Variants in FBXL13 observed in about 807,000 individuals in gnomAD.
FBXL13 encodes F-box and leucine rich repeat protein 13, also known as F-box and leucine-rich repeat protein 13.
Under a neutral mutation model 83.6 loss-of-function variants are expected in FBXL13, and 67 were observed. That is an observed-to-expected ratio of 0.80 (90% CI 0.66 to 0.98). The LOEUF is 0.98. FBXL13 is among the 50% of genes least tolerant of loss of function. The probability of loss-of-function intolerance (pLI) is 0.00; values close to 1 mark genes in which losing one functional copy is unlikely to be tolerated. For missense variants in FBXL13, 822 were observed against 866.5 expected, an observed-to-expected ratio of 0.95 and a Z score of 0.64; for synonymous variants, 272 against 299.5, an observed-to-expected ratio of 0.91 and a Z score of 0.95.
intron 17 of FBXL13, among the ~76,000 whole-genome samples, chr7:102,842,408 T>G (rs543944850): frequency 6.6e-6 from 1 of 152,356 alleles, no homozygotes; most frequent in Admixed American, 6.5e-5. Flanking sequence ...TAATCCATCT[T>G]TGGCATTACA....
chr7:102,950,260 G>A (rs1013374840), intron 8 of FBXL13, among the ~76,000 whole-genome samples: 3 of 152,126 alleles, frequency 2.0e-5, no homozygotes, highest in Admixed American at 2.0e-4. Flanking sequence ...AATTAAAACA[G>A]CAATGAGATA....
chr7:102,949,467 C>T (rs889424780), intron 8 of FBXL13, among the ~76,000 whole-genome samples: 3 of 152,104 alleles, frequency 2.0e-5, no homozygotes, highest in African/African-American at 7.2e-5. Flanking sequence ...TCATTCCTCT[C>T]TATGTGTCCA....
intron 19 of FBXL13, among the ~76,000 whole-genome samples, chr7:102,813,733 C>T (rs1484710545): frequency 6.6e-6 from 1 of 152,144 alleles, no homozygotes; most frequent in Non-Finnish European, 1.5e-5. Context: ...CTGATTCAGC[C>T]AGTTCAGAAA....
chr7:102,983,904 A>G (rs1828605809), intron 6 of FBXL13, among the ~76,000 whole-genome samples: 1 of 152,210 alleles, frequency 6.6e-6, no homozygotes, highest in South Asian at 2.1e-4. Context: ...GGAAGCTTTC[A>G]GTCATTTATG....
At chr7:102,862,418 T>G (rs1807008943) in intron 16 of FBXL13, among the ~76,000 whole-genome samples, 1 of 152,180 alleles carries the variant, frequency 6.6e-6, no homozygotes. Context: ...TTTCTTTTTG[T>G]ATTACTAGTG....
intron 16 of FBXL13, among the ~76,000 whole-genome samples, chr7:102,873,682 T>C (rs1808839688): frequency 6.6e-6 from 1 of 152,218 alleles, no homozygotes; most frequent in African/African-American, 2.4e-5. Context: ...TTCAAATTCC[T>C]TAATGTGGCC....
chr7:102,973,943 G>GAA (rs1827107472), intron 6 of FBXL13, among the ~76,000 whole-genome samples: 1 of 152,186 alleles, frequency 6.6e-6, no homozygotes, highest in Admixed American at 6.5e-5. Context: ...TTCCGGGAAC[G>GAA]AAAAAGGCAG....
exon 20 of FBXL13, chr7:102,813,300 C>T: frequency 6.5e-7 from 1 of 1,547,172 alleles, no homozygotes. Context: ...AGAAAACTTG[C>T]CAAGTTCTTG....
chr7:103,074,279 C>T, exon 1 of FBXL13: 1 of 1,008,100 alleles, frequency 9.9e-7, no homozygotes, highest in South Asian at 4.1e-5. Context: ...TCTTAGGTGA[C>T]TAGTGCCTAC....
chr7:102,977,034 A>G (rs1827570129), intron 6 of FBXL13, among the ~76,000 whole-genome samples: 1 of 152,150 alleles, frequency 6.6e-6, no homozygotes, highest in African/African-American at 2.4e-5. Context: ...GAAAACCCCA[A>G]CACCCATGGA....
chr7:103,035,046 T>A (rs889456822), intron 2 of FBXL13, among the ~76,000 whole-genome samples: 2 of 152,178 alleles, frequency 1.3e-5, no homozygotes, highest in African/African-American at 4.8e-5. Context: ...AGTATGAGTT[T>A]GAGTTATTAG....
At chr7:103,057,497 G>A (rs1563282776) in intron 1 of FBXL13, among the ~76,000 whole-genome samples, 2 of 152,124 alleles carry the variant, frequency 1.3e-5, no homozygotes, top group Non-Finnish European at 2.9e-5. Context: ...CCATAAAAGA[G>A]ATTGAGAAAA....
intron 11 of FBXL13, among the ~76,000 whole-genome samples, chr7:102,892,633 A>G (rs1811677747): frequency 1.3e-5 from 2 of 152,210 alleles, no homozygotes; most frequent in Admixed American, 1.3e-4. Flanking sequence ...TTATTAAATG[A>G]TACTTAAAAC....
chr7:102,811,965 C>T (rs1353185903), downstream of FBXL13, among the ~76,000 whole-genome samples: 1 of 152,196 alleles, frequency 6.6e-6, no homozygotes, highest in Admixed American at 6.5e-5. Context: ...TATAATAATA[C>T]TTTGTACAAT....
exon 17 of FBXL13, chr7:102,854,843 G>A (rs1158066126): frequency 1.3e-6 from 2 of 1,579,404 alleles, no homozygotes; most frequent in South Asian, 2.3e-5. Flanking sequence ...TTTTATGTCT[G>A]GAAAGCACAT....
At chr7:102,864,432 A>G (rs751907058) in intron 16 of FBXL13, among the ~76,000 whole-genome samples, 14 of 151,720 alleles carry the variant, frequency 9.2e-5, no homozygotes, top group Non-Finnish European at 1.5e-4. Context: ...GCAATGGTGC[A>G]ATTTCGGCTC....
intron 11 of FBXL13, among the ~76,000 whole-genome samples, chr7:102,897,497 A>T (rs186734553): frequency 6.6e-6 from 1 of 152,282 alleles, no homozygotes; most frequent in Non-Finnish European, 1.5e-5. Context: ...AATGGGAAAT[A>T]CGAACAAAAG....
At chr7:102,976,642 A>G (rs1208910911) in intron 6 of FBXL13, among the ~76,000 whole-genome samples, 1 of 150,004 alleles carries the variant, frequency 6.7e-6, no homozygotes, top group Admixed American at 6.7e-5. Flanking sequence ...AAAACACCAC[A>G]CTCCCGTCCG....
chr7:102,840,320 A>G (rs1802702395), intron 17 of FBXL13, among the ~76,000 whole-genome samples: 1 of 152,224 alleles, frequency 6.6e-6, no homozygotes, highest in African/African-American at 2.4e-5. Flanking sequence ...CCAAATGGCA[A>G]TCAGATATTT....
Sources: allele counts gnomAD v4.1 joint callset (sites outside exome capture counted in the v4.1 genomes callset), GRCh38; gene constraint gnomAD v4.1.1; transcripts MANE v1.5; gene names NCBI Gene and HGNC (gene_info 2026-07-23, HGNC 2026-07-21).